The following PCGF5 variants were observed in gnomAD, a reference collection of about 807,000 sequenced individuals.
The protein encoded by PCGF5 is polycomb group RING finger protein 5.
PCGF5 carries 9 observed loss-of-function variants against 44.3 expected under a neutral mutation model. That is an observed-to-expected ratio of 0.20 (90% CI 0.12 to 0.35). The LOEUF is 0.35. Ranked by LOEUF, PCGF5 falls within the 10% of genes least tolerant of loss-of-function variation. The pLI, the probability that PCGF5 is intolerant of heterozygous loss-of-function variation, is 1.00. For missense variants in PCGF5, 146 were observed against 305.3 expected (o/e 0.48, Z 3.89); for synonymous variants, 95 against 102.5 (o/e 0.93, Z 0.44).
At chr10:91,230,282 A>G (rs1844966066) in intron 2 of PCGF5, among the ~76,000 whole-genome samples, 1 of 152,210 alleles carries the variant, frequency 6.6e-6, no homozygotes, top group Non-Finnish European at 1.5e-5. Flanking sequence ...AACTACAAAA[A>G]TATTCATGGT....
At chr10:91,171,370 A>G (rs372635304) in intron 1 of PCGF5, among the ~76,000 whole-genome samples, 16 of 152,126 alleles carry the variant, frequency 1.1e-4, no homozygotes, top group African/African-American at 2.4e-4. Context: ...TGTAAAGCTG[A>G]AGTGGAGGAG....
intron 2 of PCGF5, among the ~76,000 whole-genome samples, chr10:91,233,093 G>A (rs1054365996): frequency 1.1e-4 from 17 of 152,234 alleles, no homozygotes; most frequent in African/African-American, 4.1e-4. Context: ...GGGAGTCGAA[G>A]TACAAAAGAG....
chr10:91,182,023 G>T (rs183826409), intron 1 of PCGF5, among the ~76,000 whole-genome samples: 1 of 152,138 alleles, frequency 6.6e-6, no homozygotes, highest in East Asian at 1.9e-4. Context: ...GTCTTTGGAG[G>T]GTGTATGTGT....
chr10:91,253,454 A>T (rs900529783), intron 6 of PCGF5, among the ~76,000 whole-genome samples: 2 of 151,996 alleles, frequency 1.3e-5, no homozygotes, highest in Admixed American at 1.3e-4. Context: ...CTCTATTTTT[A>T]AATAGACCAG....
intron 1 of PCGF5, among the ~76,000 whole-genome samples, chr10:91,173,577 G>GTTTTTTTTTTTTTTTTTTTTTT (rs1294760416): frequency 2.4e-5 from 1 of 42,522 alleles, no homozygotes; most frequent in African/African-American, 8.5e-5. Context: ...GAGGGAGTTG[G>GTTTTTTTTTTTTTTTTTTTTTT]CTTTTTTTTT....
chr10:91,248,767 T>G, intron 5 of PCGF5, 43 bp downstream of exon 5: 2 of 1,504,892 alleles, frequency 1.3e-6, no homozygotes, highest in Non-Finnish European at 1.8e-6. Context: ...CCTCTTAAAC[T>G]GGTCAGCTTT....
chr10:91,255,146 G>C (rs1293009749), intron 6 of PCGF5, among the ~76,000 whole-genome samples: 1 of 152,020 alleles, frequency 6.6e-6, no homozygotes, highest in Non-Finnish European at 1.5e-5. Context: ...CTTGGAGCTT[G>C]CCCCCATGGA....
chr10:91,190,144 G>A (rs1011483439), intron 1 of PCGF5, among the ~76,000 whole-genome samples: 1 of 152,184 alleles, frequency 6.6e-6, no homozygotes, highest in Non-Finnish European at 1.5e-5. Flanking sequence ...CCACTTCCTG[G>A]TTTCCAGGTG....
At chr10:91,163,063 G>T (rs1374894835) in exon 1 of PCGF5, 2 of 148,806 alleles carry the variant, frequency 1.3e-5, no homozygotes, top group South Asian at 4.1e-4. Flanking sequence ...CGCCCGGATC[G>T]TGGCCTCTCG....
chr10:91,274,527 G>C (rs1846259702), intron 9 of PCGF5, among the ~76,000 whole-genome samples: 1 of 152,168 alleles, frequency 6.6e-6, no homozygotes. Context: ...CAGTCTTCTA[G>C]GCCTTCGAGG....
chr10:91,253,233 A>G (rs1845664428), intron 6 of PCGF5, among the ~76,000 whole-genome samples: 1 of 151,978 alleles, frequency 6.6e-6, no homozygotes, highest in African/African-American at 2.4e-5. Context: ...TTTCTTACAT[A>G]AGTAAATTGT....
chr10:91,239,049 G>A (rs994304143), intron 2 of PCGF5, among the ~76,000 whole-genome samples: 2 of 151,996 alleles, frequency 1.3e-5, no homozygotes, highest in East Asian at 1.9e-4. Context: ...CTTAGGGGTC[G>A]CTAAGGGGTC....
At chr10:91,253,289 G>A (rs1845665907) in intron 6 of PCGF5, among the ~76,000 whole-genome samples, 1 of 151,928 alleles carries the variant, frequency 6.6e-6, no homozygotes, top group South Asian at 2.1e-4. Flanking sequence ...CAGGTAATAG[G>A]CATAATAGTC....
At chr10:91,183,007 G>T (rs535957596) in intron 1 of PCGF5, among the ~76,000 whole-genome samples, 141 of 152,236 alleles carry the variant, frequency 9.3e-4, no homozygotes, top group African/African-American at 3.3e-3. Context: ...CAGTTCTTTT[G>T]CTTTTGCTGA....
upstream of PCGF5, among the ~76,000 whole-genome samples, chr10:91,216,520 A>G (rs949033534): frequency 1.3e-5 from 2 of 152,226 alleles, no homozygotes; most frequent in Non-Finnish European, 2.9e-5. Context: ...TTTTAAAGCC[A>G]GAGAGCAGCA....
Position 91,278,430 on chromosome 10 carries a change from C to A in PCGF5, c.*114C>A. 2.2e-6 allele frequency: 2 copies of A among 891,372 alleles called. No individual in the cohort carries two copies. The highest frequency in any genetic ancestry group is 3.7e-6 in the Non-Finnish European group (2 of 542,150). 55.2% of individuals were successfully genotyped at this position (891,372 alleles called of 1,614,324 possible). A position where few individuals can be genotyped will look rare whatever the true frequency, so the allele number is the denominator to read the frequency against. ...GGAACACAACCAGATTTTCAGCATG[C>A]AAATAAGGCCATTGTCTATCTCTAA... On this transcript the variant is annotated 3_prime_UTR_variant, in exon 10 of 10. Coordinates refer to ENST00000336126, the MANE Select transcript of PCGF5 (RefSeq NM_032373.5).
At chr10:91,268,906 C>T (rs1846109527) in intron 8 of PCGF5, among the ~76,000 whole-genome samples, 1 of 152,022 alleles carries the variant, frequency 6.6e-6, no homozygotes, top group African/African-American at 2.4e-5. Context: ...TCAGACTTAG[C>T]TCGTAAAATT....
chr10:91,261,542 T>A (rs1845909050), intron 7 of PCGF5, 118 bp downstream of exon 7: 1 of 1,221,808 alleles, frequency 8.2e-7, no homozygotes, highest in African/African-American at 1.5e-5. Context: ...CTTTGATTAT[T>A]TTTGTGTTAA....
intron 1 of PCGF5, among the ~76,000 whole-genome samples, chr10:91,209,113 T>C (rs1032343064): frequency 2.1e-4 from 32 of 152,232 alleles, no homozygotes; most frequent in African/African-American, 7.5e-4. Context: ...ATATACATAG[T>C]ATTTTGTGTT....
Sources: allele counts gnomAD v4.1 joint callset (sites outside exome capture counted in the v4.1 genomes callset), GRCh38; gene constraint gnomAD v4.1.1; transcripts MANE v1.5; gene names NCBI Gene and HGNC (gene_info 2026-07-23, HGNC 2026-07-21).